BMP6: variants seen among roughly 807,000 people sequenced by gnomAD.
The protein encoded by BMP6 is bone morphogenetic protein 6, also known as VG-1-R.
In BMP6, 17 loss-of-function variants were observed where a neutral mutation model predicts 54.1. That is an observed-to-expected ratio of 0.31 (90% CI 0.22 to 0.47). The LOEUF is 0.47. BMP6 is among the 20% of genes least tolerant of loss of function. The pLI is 1.00. For synonymous variants in BMP6, 328 were observed against 291.2 expected, an observed-to-expected ratio of 1.13 and a Z score of -1.28; for missense variants, 720 against 690.4, an observed-to-expected ratio of 1.04 and a Z score of -0.48.
intron 2 of BMP6, among the ~76,000 whole-genome samples, chr6:7,857,576 C>CT (rs1454766597): frequency 6.6e-6 from 1 of 152,208 alleles, no homozygotes; most frequent in East Asian, 1.9e-4. Context: ...CTCTAGGATT[C>CT]TTTATCAGTG....
chr6:7,788,646 T>C (rs1340923172), intron 1 of BMP6, among the ~76,000 whole-genome samples: 1 of 152,200 alleles, frequency 6.6e-6, no homozygotes, highest in African/African-American at 2.4e-5. Flanking sequence ...ACTTGGAAAA[T>C]GTTCATCATT....
intron 1 of BMP6, among the ~76,000 whole-genome samples, chr6:7,829,294 C>T (rs972978389): frequency 1.3e-5 from 2 of 152,162 alleles, no homozygotes; most frequent in African/African-American, 4.8e-5. Flanking sequence ...TTCCTTCCTT[C>T]CTTCCCTACC....
intron 1 of BMP6, among the ~76,000 whole-genome samples, chr6:7,780,379 C>G (rs981299188): frequency 2.6e-5 from 4 of 152,236 alleles, no homozygotes; most frequent in Non-Finnish European, 5.9e-5. Context: ...GAAACCCCAT[C>G]TCTACTGAAA....
chr6:7,734,192 C>G (rs1197398134), intron 1 of BMP6, among the ~76,000 whole-genome samples: 3 of 152,156 alleles, frequency 2.0e-5, no homozygotes, highest in East Asian at 1.9e-4. Context: ...GACACGTATG[C>G]CCCAGCAACA....
intron 1 of BMP6, among the ~76,000 whole-genome samples, chr6:7,781,396 T>C (rs933080522): frequency 1.1e-4 from 17 of 151,890 alleles, no homozygotes; most frequent in Middle Eastern, 3.4e-3. Flanking sequence ...GGGCTGAGGC[T>C]TAGTGAGCTC....
Position 7,786,098 on chromosome 6 carries a change from C to T in BMP6, c.664+58479C>T, listed in dbSNP as rs147112714. The stretch of plus-strand genomic sequence containing the variant: ...CTAGTAGAGGGAAAGCACGTACACG[C>T]GTCTTTGGTCTCTAAGCTCCATCTG... On this transcript the variant is annotated intron_variant, in intron 1 of 6. Coordinates refer to ENST00000283147, the MANE Select transcript of BMP6 (RefSeq NM_001718.6). Among the ~76,000 whole-genome samples, 974 of 152,320 alleles carry T rather than the reference C, an allele frequency of 6.4e-3. 18 individuals carry two copies. Among genetic ancestry groups the T allele is most frequent in the African/African-American group, 0.022 (927 of 41,558 alleles).
At chr6:7,863,083 C>T (rs926024150) in intron 4 of BMP6, among the ~76,000 whole-genome samples, 2 of 152,160 alleles carry the variant, frequency 1.3e-5, no homozygotes, top group Non-Finnish European at 2.9e-5. Flanking sequence ...ACTGCAAGCT[C>T]CGCCTCCTGG....
intron 1 of BMP6, among the ~76,000 whole-genome samples, chr6:7,769,578 A>G (rs552795841): frequency 6.6e-6 from 1 of 152,324 alleles, no homozygotes; most frequent in East Asian, 1.9e-4. Flanking sequence ...TTAAAACTTG[A>G]AAGACTTAAC....
At chr6:7,864,832 C>CT (rs1581285931) in intron 4 of BMP6, among the ~76,000 whole-genome samples, 1 of 152,144 alleles carries the variant, frequency 6.6e-6, no homozygotes, top group East Asian at 1.9e-4. Context: ...GCTTGCTTTC[C>CT]TTTATTCACT....
chr6:7,822,895 GGTT>G (rs1379520411), intron 1 of BMP6, among the ~76,000 whole-genome samples: 170 of 144,194 alleles, frequency 1.2e-3, no homozygotes, highest in African/African-American at 4.2e-3. Flanking sequence ...GATTGGTGCT[GGTT>G]GTGTGTGTGT....
At chr6:7,771,374 T>C (rs1420548736) in intron 1 of BMP6, among the ~76,000 whole-genome samples, 1 of 152,194 alleles carries the variant, frequency 6.6e-6, no homozygotes, top group African/African-American at 2.4e-5. Flanking sequence ...TCTGCTGCTG[T>C]GCCTAGAGTT....
chr6:7,761,554 G>A (rs1435084806), intron 1 of BMP6, among the ~76,000 whole-genome samples: 2 of 152,182 alleles, frequency 1.3e-5, no homozygotes, highest in Non-Finnish European at 2.9e-5. Context: ...CAACAGGGGT[G>A]GATGGAAGGA....
chr6:7,867,004 G>A (rs181933723), intron 4 of BMP6, among the ~76,000 whole-genome samples: 90 of 152,282 alleles, frequency 5.9e-4, no homozygotes, highest in Middle Eastern at 6.8e-3. Context: ...CCAAGTAGCT[G>A]GGATCACAGG....
Position 7,845,246 on chromosome 6 carries a change from C to T in BMP6, c.771C>T (p.Arg257=), listed in dbSNP as rs1257558143. 1.2e-6 allele frequency: 2 copies of T among 1,614,114 alleles called. No individual in the cohort carries two copies. Among genetic ancestry groups the T allele is most frequent in the Non-Finnish European group, 1.7e-6 (2 of 1,179,952 alleles). The change falls in exon 2 of 7, where the codon CGC becomes CGT. Residue 257 remains arginine (R), a synonymous_variant. Coordinates refer to ENST00000283147, the MANE Select transcript of BMP6 (RefSeq NM_001718.6). ...AGGTGGTGACGGCTGCAGAATTCCG[C>T]ATCTACAAGGACTGTGTTATGGGGA... ...EGEVVTAAEF[R]IYKDCVMGSF...
intron 1 of BMP6, among the ~76,000 whole-genome samples, chr6:7,736,057 A>G (rs1346728431): frequency 2.0e-5 from 3 of 152,242 alleles, no homozygotes; most frequent in Non-Finnish European, 2.9e-5. Context: ...TTGATAGTCT[A>G]TGACAATGTG....
intron 4 of BMP6, among the ~76,000 whole-genome samples, chr6:7,865,915 A>G (rs1246689196): frequency 2.6e-5 from 4 of 152,208 alleles, no homozygotes; most frequent in African/African-American, 9.7e-5. Context: ...ATTGCCTGTC[A>G]TCAGGGTGAA....
At chr6:7,876,890 T>C (rs981390077) in intron 4 of BMP6, among the ~76,000 whole-genome samples, 8 of 152,206 alleles carry the variant, frequency 5.3e-5, no homozygotes, top group African/African-American at 9.6e-5. Flanking sequence ...TCCTTTTTTT[T>C]CCTCTAGTTT....
intron 1 of BMP6, among the ~76,000 whole-genome samples, chr6:7,817,600 G>C (rs1366025863): frequency 6.6e-6 from 1 of 151,348 alleles, no homozygotes; most frequent in Non-Finnish European, 1.5e-5. Flanking sequence ...GGGAGGGATA[G>C]CATTAGGAGA....
At chr6:7,808,202 G>A (rs1439989197) in intron 1 of BMP6, among the ~76,000 whole-genome samples, 2 of 152,122 alleles carry the variant, frequency 1.3e-5, no homozygotes, top group South Asian at 2.1e-4. Context: ...TTACAGGCGT[G>A]AGCCACCGCG....
Sources: allele counts gnomAD v4.1 joint callset (sites outside exome capture counted in the v4.1 genomes callset), GRCh38; gene constraint gnomAD v4.1.1; transcripts MANE v1.5; gene names NCBI Gene and HGNC (gene_info 2026-07-23, HGNC 2026-07-21).